MGLL: variants seen among roughly 807,000 people sequenced by gnomAD.
MGLL encodes the protein monoglyceride lipase, also known as lysophospholipase homolog.
MGLL carries 7 observed loss-of-function variants against 29.1 expected under a neutral mutation model. That is an observed-to-expected ratio of 0.24 (90% CI 0.14 to 0.45). MGLL has a LOEUF of 0.45. Ranked by LOEUF, MGLL falls within the 20% of genes least tolerant of loss-of-function variation. The probability of loss-of-function intolerance (pLI) is 0.99; values close to 1 mark genes in which losing one functional copy is unlikely to be tolerated. For synonymous variants in MGLL, 148 were observed against 168.3 expected (o/e 0.88, Z 0.93); for missense variants, 356 against 413.6 (o/e 0.86, Z 1.21).
chr3:127,753,885 T>C (rs1251772678), intron 3 of MGLL, among the ~76,000 whole-genome samples: 1 of 152,190 alleles, frequency 6.6e-6, no homozygotes, highest in Admixed American at 6.5e-5. Flanking sequence ...ACACTCTTCC[T>C]TGGTGATGGG....
chr3:127,764,649 A>C (rs1177793589), intron 3 of MGLL, among the ~76,000 whole-genome samples: 1 of 152,210 alleles, frequency 6.6e-6, no homozygotes, highest in Non-Finnish European at 1.5e-5. Context: ...ATATTAATTA[A>C]TGTTAAATAT....
chr3:127,737,630 C>CTTTTTTTTTTTTTTTTTTTTTTTTTTT (rs774965066), intron 3 of MGLL, among the ~76,000 whole-genome samples: 4 of 68,608 alleles, frequency 5.8e-5, no homozygotes, highest in African/African-American at 2.2e-4. Context: ...TCAACTGCTT[C>CTTTTTTTTTTTTTTTTTTTTTTTTTTT]TTTTTTTTTT....
intron 2 of MGLL, among the ~76,000 whole-genome samples, chr3:127,782,794 AC>A (rs1196152208): frequency 6.6e-6 from 1 of 152,186 alleles, no homozygotes; most frequent in Non-Finnish European, 1.5e-5. Context: ...CTGAGCATTT[AC>A]TATGCACCCG....
intron 2 of MGLL, among the ~76,000 whole-genome samples, chr3:127,788,100 A>G (rs1283239395): frequency 6.6e-6 from 1 of 152,204 alleles, no homozygotes; most frequent in Non-Finnish European, 1.5e-5. Flanking sequence ...TCCTTTGTAT[A>G]ATAAAACAGA....
At chr3:127,789,330 G>A (rs1478371253) in intron 2 of MGLL, among the ~76,000 whole-genome samples, 6 of 152,222 alleles carry the variant, frequency 3.9e-5, no homozygotes, top group African/African-American at 1.4e-4. Context: ...TCTACGGCTG[G>A]AAGGAAAATT....
At chr3:127,738,553 G>A (rs149632926) in intron 3 of MGLL, among the ~76,000 whole-genome samples, 2 of 152,134 alleles carry the variant, frequency 1.3e-5, no homozygotes, top group African/African-American at 2.4e-5. Flanking sequence ...TCCTGGGCAG[G>A]AGCCATCTGC....
chr3:127,734,570 A>AG (rs1252111901), intron 3 of MGLL, among the ~76,000 whole-genome samples: 1 of 152,150 alleles, frequency 6.6e-6, no homozygotes, highest in African/African-American at 2.4e-5. Context: ...GTGGCTGCAC[A>AG]GGGGCCCTGC....
intron 3 of MGLL, among the ~76,000 whole-genome samples, chr3:127,749,654 G>A (rs1262450910): frequency 6.6e-6 from 1 of 152,064 alleles, no homozygotes; most frequent in Admixed American, 6.6e-5. Context: ...CTAGAAAGAG[G>A]GCCTTATACA....
At chr3:127,754,830 G>A (rs374786613) in intron 3 of MGLL, among the ~76,000 whole-genome samples, 1 of 152,224 alleles carries the variant, frequency 6.6e-6, no homozygotes, top group African/African-American at 2.4e-5. Context: ...TCAGAGAGGG[G>A]CGCGTGGGGT....
intron 3 of MGLL, 67 bp downstream of exon 3, chr3:127,781,722 G>A (rs1367328677): frequency 3.0e-6 from 4 of 1,330,870 alleles, no homozygotes; most frequent in Non-Finnish European, 4.3e-6. Flanking sequence ...CAGTGAGATG[G>A]ACTAGAGAGG....
chr3:127,784,097 A>T (rs1287320846), intron 2 of MGLL: 2 of 152,266 alleles, frequency 1.3e-5, no homozygotes, highest in Non-Finnish European at 2.9e-5. Flanking sequence ...AAATGGCACA[A>T]GGCATTGCCA....
At chr3:127,745,191 G>T (rs1370324467) in intron 3 of MGLL, among the ~76,000 whole-genome samples, 1 of 152,218 alleles carries the variant, frequency 6.6e-6, no homozygotes, top group Admixed American at 6.5e-5. Flanking sequence ...TTGCTGAAAG[G>T]GTTAAATGAG....
chr3:127,694,945 G>C, intron 7 of MGLL, 30 bp downstream of exon 7: 2 of 1,606,326 alleles, frequency 1.2e-6, no homozygotes, highest in Admixed American at 1.7e-5. Context: ...CTCCACCTTG[G>C]GGGGAAGTGG....
At chr3:127,733,176 C>T (rs949153023) in intron 3 of MGLL, among the ~76,000 whole-genome samples, 19 of 152,184 alleles carry the variant, frequency 1.2e-4, no homozygotes, top group African/African-American at 4.6e-4. Flanking sequence ...ATGGCAACAA[C>T]GGTGACCTCT....
chr3:127,781,080 G>T (rs1436771743), intron 3 of MGLL, among the ~76,000 whole-genome samples: 3 of 152,170 alleles, frequency 2.0e-5, no homozygotes, highest in Admixed American at 6.5e-5. Context: ...GGTTGTGTGT[G>T]TGTGATTGTG....
At chr3:127,767,180 A>G (rs2076873913) in intron 3 of MGLL, among the ~76,000 whole-genome samples, 1 of 124,454 alleles carries the variant, frequency 8.0e-6, no homozygotes, top group African/African-American at 2.9e-5. Flanking sequence ...CATTACCATC[A>G]CTATCACCAT....
At chr3:127,779,388 AT>A (rs1392602668) in intron 3 of MGLL, among the ~76,000 whole-genome samples, 3 of 152,222 alleles carry the variant, frequency 2.0e-5, no homozygotes, top group Non-Finnish European at 4.4e-5. Context: ...AAGTAAAAAA[AT>A]AAAATAAAAG....
chr3:127,735,789 G>A (rs1225074149), intron 3 of MGLL: 8 of 1,598,344 alleles, frequency 5.0e-6, no homozygotes, highest in East Asian at 2.2e-5. Context: ...GGAGAAAAAT[G>A]TATAAATTCT....
chr3:127,815,484 G>A (rs191925626), intron 2 of MGLL, among the ~76,000 whole-genome samples: 33 of 152,270 alleles, frequency 2.2e-4, no homozygotes, highest in Middle Eastern at 6.8e-3. Flanking sequence ...CTGCTAACAC[G>A]CGGTGCTACG....
Sources: gnomAD v4.1 joint callset for allele counts (sites outside exome capture counted in the v4.1 genomes callset) on GRCh38, gnomAD v4.1.1 for gene constraint, MANE v1.5 for transcripts, NCBI Gene and HGNC (gene_info 2026-07-23, HGNC 2026-07-21) for gene names.